DGLUCY: variants seen among roughly 807,000 people sequenced by gnomAD.
DGLUCY encodes D-glutamate cyclase, mitochondrial.
A neutral mutation model predicts 58.5 loss-of-function variants in DGLUCY; 58 were observed. The ratio of observed to expected loss-of-function variants is 0.99; its 90% confidence interval spans 0.80 to 1.23. The LOEUF is 1.23. Among genes scored for constraint, DGLUCY ranks in the 50% most tolerant of loss-of-function variants. The pLI is 0.00. For missense variants in DGLUCY, 779 were observed against 784.7 expected, an observed-to-expected ratio of 0.99 and a Z score of 0.09; for synonymous variants, 325 against 314.1, an observed-to-expected ratio of 1.03 and a Z score of -0.37.
chr14:91,158,425 T>G (rs2047785622), intron 2 of DGLUCY, among the ~76,000 whole-genome samples: 1 of 152,220 alleles, frequency 6.6e-6, no homozygotes, highest in Non-Finnish European at 1.5e-5. Context: ...TAAGTACATC[T>G]CTCCTCCTTC....
chr14:91,076,057 G>A (rs1163543361), intron 1 of DGLUCY, among the ~76,000 whole-genome samples: 3 of 151,558 alleles, frequency 2.0e-5, no homozygotes, highest in East Asian at 1.9e-4. Context: ...AGGCTGCAGT[G>A]AGCCAAGATT....
intron 1 of DGLUCY, among the ~76,000 whole-genome samples, chr14:91,066,963 C>T (rs537190864): frequency 3.6e-4 from 54 of 151,420 alleles, no homozygotes; most frequent in Non-Finnish European, 1.2e-4. Flanking sequence ...CGCCAGTAGT[C>T]CCAGCTACTT....
rs759873095 is a variant in DGLUCY, at chr14:91,224,779, C to T, written c.1812C>T (p.Asn604=). 2.5e-6 allele frequency: 4 copies of T among 1,613,764 alleles called. No individual in the cohort carries two copies. The highest frequency in any genetic ancestry group is 3.3e-5 in the Admixed American group (2 of 59,990). ...AGGTGGATGGGCTGCCCTTCCACAA[C>T]ACCCACGCCGAGATGATCCAGAAGC... ...GMEVDGLPFH[N]THAEMIQKLV... The change falls in exon 14 of 14, where the codon AAC becomes AAT. Residue 604 remains asparagine (N), a synonymous_variant. Coordinates refer to ENST00000256324, the MANE Select transcript of DGLUCY (RefSeq NM_001102368.3).
chr14:91,135,926 C>CTTTTTTT (rs34202137), intron 1 of DGLUCY, among the ~76,000 whole-genome samples: 1 of 51,178 alleles, frequency 2.0e-5, no homozygotes, highest in Non-Finnish European at 3.5e-5. Context: ...GATACATTAG[C>CTTTTTTT]TTTTTTTTTT....
intron 1 of DGLUCY, among the ~76,000 whole-genome samples, chr14:91,134,715 G>A (rs1020758374): frequency 6.6e-6 from 1 of 152,168 alleles, no homozygotes; most frequent in Non-Finnish European, 1.5e-5. Flanking sequence ...TGGGATTACA[G>A]GCATGAGCCA....
At chr14:91,195,216 G>A (rs79032092) in intron 9 of DGLUCY, among the ~76,000 whole-genome samples, 1,633 of 152,290 alleles carry the variant, frequency 0.011, 37 homozygotes, top group African/African-American at 0.038. Flanking sequence ...GCTCCCTGCC[G>A]TCTTAAGCTC....
chr14:91,079,135 C>T (rs2044081171), intron 1 of DGLUCY, among the ~76,000 whole-genome samples: 1 of 151,726 alleles, frequency 6.6e-6, no homozygotes, highest in Non-Finnish European at 1.5e-5. Flanking sequence ...AACTCCTGAC[C>T]TCAAGTGATC....
chr14:91,177,778 G>A (rs1311122819), intron 7 of DGLUCY, among the ~76,000 whole-genome samples: 3 of 152,222 alleles, frequency 2.0e-5, no homozygotes, highest in Non-Finnish European at 4.4e-5. Context: ...GATGAGGCGT[G>A]GCTGCCAAGA....
intron 12 of DGLUCY, among the ~76,000 whole-genome samples, chr14:91,205,842 CTTTTTTTTT>C (rs36096639): frequency 2.8e-5 from 2 of 70,698 alleles, no homozygotes; most frequent in Admixed American, 4.1e-4. Flanking sequence ...TCTTCTTCTT[CTTTTTTTTT>C]TTTTTTTTTT....
chr14:91,090,699 A>G (rs2044297156), intron 1 of DGLUCY, among the ~76,000 whole-genome samples: 1 of 152,184 alleles, frequency 6.6e-6, no homozygotes, highest in African/African-American at 2.4e-5. Flanking sequence ...GGTCACAGAT[A>G]GGTTCTCCAG....
intron 11 of DGLUCY, among the ~76,000 whole-genome samples, chr14:91,202,778 C>A (rs1249547086): frequency 6.6e-6 from 1 of 152,210 alleles, no homozygotes; most frequent in African/African-American, 2.4e-5. Flanking sequence ...ACCCTGAGAT[C>A]CCAGAGGAGG....
chr14:91,206,299 A>G (rs1884691496), intron 12 of DGLUCY, among the ~76,000 whole-genome samples: 1 of 152,166 alleles, frequency 6.6e-6, no homozygotes, highest in South Asian at 2.1e-4. Flanking sequence ...ACTAAAAGGC[A>G]GAGACCTAAT....
intron 9 of DGLUCY, among the ~76,000 whole-genome samples, chr14:91,194,296 CCGAGGG>C (rs1462137970): frequency 6.6e-6 from 1 of 152,180 alleles, no homozygotes; most frequent in African/African-American, 2.4e-5. Flanking sequence ...GACGTTCCCA[CCGAGGG>C]CTGTTTGGCT....
At chr14:91,209,402 A>G (rs1018330613) in intron 12 of DGLUCY, among the ~76,000 whole-genome samples, 1 of 151,988 alleles carries the variant, frequency 6.6e-6, no homozygotes, top group African/African-American at 2.4e-5. Flanking sequence ...TCAATGCCAC[A>G]GTGAACTTAA....
exon 1 of DGLUCY, chr14:91,060,578 C>G (rs2043631279): frequency 1.8e-6 from 2 of 1,092,204 alleles, no homozygotes; most frequent in Non-Finnish European, 1.2e-6. Context: ...GAGTCTCTTT[C>G]CCGCTCTGGC....
At chr14:91,061,623 AG>A (rs2043687270) in intron 1 of DGLUCY, among the ~76,000 whole-genome samples, 2 of 152,240 alleles carry the variant, frequency 1.3e-5, no homozygotes, top group Admixed American at 1.3e-4. Flanking sequence ...AGGATGGATA[AG>A]AGAGAAATAC....
At position 91,199,206 on chromosome 14, in the gene DGLUCY, C is replaced by G. The variant is rs370818921; in HGVS notation, c.1296-551C>G. ...CCATAGCAACCCTGACCATTGGCCT[C>G]CTGCTTTTATAGCCTCTGACCCTAC... On this transcript the variant is annotated intron_variant, in intron 10 of 13. Transcript: ENST00000256324. Among the ~76,000 whole-genome samples, 5 of 152,066 alleles carry G rather than the reference C, an allele frequency of 3.3e-5. No homozygotes were observed. The East Asian group carries it at 9.6e-4, about 29-fold the overall frequency.
At chr14:91,198,974 G>T (rs914841560) in intron 10 of DGLUCY, among the ~76,000 whole-genome samples, 1 of 152,078 alleles carries the variant, frequency 6.6e-6, no homozygotes, top group Admixed American at 6.5e-5. Context: ...TTATTTCTCT[G>T]TTTCTATCTA....
chr14:91,153,477 C>G (rs1408254987), intron 1 of DGLUCY, among the ~76,000 whole-genome samples: 1 of 152,204 alleles, frequency 6.6e-6, no homozygotes, highest in Non-Finnish European at 1.5e-5. Flanking sequence ...GGCACCGCAC[C>G]CGGCTGACAG....
Sources: allele counts gnomAD v4.1 joint callset (sites outside exome capture counted in the v4.1 genomes callset), GRCh38; gene constraint gnomAD v4.1.1; transcripts MANE v1.5; gene names NCBI Gene and HGNC (gene_info 2026-07-23, HGNC 2026-07-21).